The following HIPK2 variants were observed in gnomAD, a reference collection of about 807,000 sequenced individuals.
The protein encoded by HIPK2 is homeodomain-interacting protein kinase 2.
Under a neutral mutation model 113.7 loss-of-function variants are expected in HIPK2, and 27 were observed. The ratio of observed to expected loss-of-function variants is 0.24; its 90% CI spans 0.17 to 0.33. HIPK2 has a LOEUF of 0.33. Ranked by LOEUF, HIPK2 falls within the 10% of genes least tolerant of loss-of-function variation. The pLI is 1.00. For synonymous variants in HIPK2, 631 were observed against 642.2 expected (o/e 0.98, Z 0.26); for missense variants, 1,257 against 1,588.0 (o/e 0.79, Z 3.54).
At chr7:139,775,191 G>T (rs1796719626) in intron 1 of HIPK2, among the ~76,000 whole-genome samples, 1 of 152,200 alleles carries the variant, frequency 6.6e-6, no homozygotes, top group African/African-American at 2.4e-5. Context: ...TACAGGAAAA[G>T]CTCTGCTCGT....
chr7:139,737,806 G>A (rs985820802), intron 1 of HIPK2, among the ~76,000 whole-genome samples: 6 of 152,238 alleles, frequency 3.9e-5, no homozygotes, highest in Non-Finnish European at 8.8e-5. Context: ...CAGTGCGGTT[G>A]CTGGGAAGGC....
intron 2 of HIPK2, among the ~76,000 whole-genome samples, chr7:139,641,322 G>A (rs1022325556): frequency 4.9e-5 from 7 of 144,228 alleles, no homozygotes; most frequent in African/African-American, 7.9e-5. Context: ...CTGAGATTGC[G>A]CCACTACACT....
At position 139,714,262 on chromosome 7, in the gene HIPK2, G is replaced by C. The variant is rs1475048460; in HGVS notation, c.1103+1670C>G. 6.6e-6 allele frequency among the ~76,000 whole-genome samples: 1 copy of C among 152,238 alleles called. No homozygotes were observed. Among genetic ancestry groups the C allele is most frequent in the Non-Finnish European group, 1.5e-5 (1 of 68,050 alleles). The stretch of plus-strand genomic sequence containing the variant: ...TAACTCAGGAAATGCCTCCTAAAGG[G>C]AAGAGGGAAGAGACAGAAACAGCAT... On this transcript the variant is annotated intron_variant, in intron 2 of 14. Coordinates refer to ENST00000406875, the MANE Select transcript of HIPK2 (RefSeq NM_022740.5). This position sits in a 1 kb window ranked among gnomAD's most constrained non-coding sequence, Gnocchi z 4.2.
chr7:139,667,268 T>C (rs78828925), intron 2 of HIPK2, among the ~76,000 whole-genome samples: 32,342 of 152,152 alleles, frequency 0.21, 3,785 homozygotes, highest in East Asian at 0.41. Flanking sequence ...TTCCATCTTA[T>C]AAACTTTGTC....
At chr7:139,681,704 C>T (rs1454234570) in intron 2 of HIPK2, among the ~76,000 whole-genome samples, 1 of 152,182 alleles carries the variant, frequency 6.6e-6, no homozygotes, top group Non-Finnish European at 1.5e-5. Flanking sequence ...CATGAAAGGC[C>T]CTTGCACTCC....
intron 1 of HIPK2, among the ~76,000 whole-genome samples, chr7:139,752,192 G>C (rs568632614): frequency 6.6e-6 from 1 of 152,150 alleles, no homozygotes; most frequent in East Asian, 1.9e-4. Flanking sequence ...TATTTCAAAT[G>C]GTCTCCAACC....
intron 7 of HIPK2, among the ~76,000 whole-genome samples, chr7:139,615,114 C>T (rs543768037): frequency 6.6e-6 from 1 of 152,202 alleles, no homozygotes. Flanking sequence ...CAGGGGGAGG[C>T]TCTTGCAGGC....
At chr7:139,732,801 A>G (rs545913109) in intron 1 of HIPK2, among the ~76,000 whole-genome samples, 4 of 139,420 alleles carry the variant, frequency 2.9e-5, no homozygotes, top group African/African-American at 1.2e-4. Flanking sequence ...TATAATATAT[A>G]TAACATATTA....
At chr7:139,706,882 G>A (rs972522048) in intron 2 of HIPK2, among the ~76,000 whole-genome samples, 1 of 152,154 alleles carries the variant, frequency 6.6e-6, no homozygotes, top group Non-Finnish European at 1.5e-5. Flanking sequence ...TCTCTGATTC[G>A]GCCACACTGT....
rs190653468 is a variant in HIPK2 at position 139,712,321 on chromosome 7, C to T, written c.1103+3611G>A. ...CACCTCCTTTTCCAAGTCCCCAAGG[C>T]GAGGATAACATATCCTTGTCTCACA... On this transcript the variant is annotated intron_variant, in intron 2 of 14. Coordinates refer to ENST00000406875, the MANE Select transcript of HIPK2 (RefSeq NM_022740.5). 5.3e-5 allele frequency among the ~76,000 whole-genome samples: 8 copies of T among 152,296 alleles called. No homozygotes were observed. In the East Asian group the frequency reaches 1.2e-3, roughly 22 times the overall value.
chr7:139,704,557 A>G (rs1475390562), intron 2 of HIPK2, among the ~76,000 whole-genome samples: 1 of 151,688 alleles, frequency 6.6e-6, no homozygotes, highest in African/African-American at 2.4e-5. Context: ...AGCAACATAT[A>G]CATACCCCAT....
chr7:139,687,556 A>C (rs1348648213), intron 2 of HIPK2, among the ~76,000 whole-genome samples: 10 of 152,178 alleles, frequency 6.6e-5, no homozygotes, highest in Non-Finnish European at 1.5e-4. Flanking sequence ...GTTGCTTAAG[A>C]ATTTTGGTTT....
At position 139,562,504 on chromosome 7, in the gene HIPK2, C is replaced by G. The variant is rs1797975721; in HGVS notation, c.*10423G>C. ...ATTCTCTTTCTATCCTAATGGATAC[C>G]ATTTTTGGAAACGTGACAGAGTATC... is the stretch of plus-strand genomic sequence containing the variant. On this transcript the variant is annotated 3_prime_UTR_variant, in exon 15 of 15. Transcript: ENST00000406875. The G allele has an allele frequency of 6.6e-6, 1 of 152,216 alleles. No homozygotes were observed. Among genetic ancestry groups the G allele is most frequent in the Non-Finnish European group, 1.5e-5 (1 of 68,032 alleles). The allele number at this position is 152,216 out of a possible 1,614,324, so 9.4% of individuals were successfully genotyped here. A position where few individuals can be genotyped will look rare whatever the true frequency, so the allele number is the denominator to read the frequency against.
intron 2 of HIPK2, among the ~76,000 whole-genome samples, chr7:139,637,770 C>T (rs571304421): frequency 6.6e-6 from 1 of 152,262 alleles, no homozygotes; most frequent in Non-Finnish European, 1.5e-5. Flanking sequence ...AGACAAAGCT[C>T]TAAGGCAGTG....
At chr7:139,611,550 T>C (rs1799824576) in intron 9 of HIPK2, among the ~76,000 whole-genome samples, 1 of 152,180 alleles carries the variant, frequency 6.6e-6, no homozygotes, top group Non-Finnish European at 1.5e-5. Flanking sequence ...TTAATTTTTT[T>C]TTTTCTTTAC....
At chr7:139,712,136 T>C (rs558380592) in intron 2 of HIPK2, among the ~76,000 whole-genome samples, 2 of 152,224 alleles carry the variant, frequency 1.3e-5, no homozygotes, top group East Asian at 1.9e-4. Context: ...ACCTTCGAAT[T>C]GGAAGGGAAT....
intron 13 of HIPK2, among the ~76,000 whole-genome samples, chr7:139,580,306 G>A (rs1407070239): frequency 6.6e-6 from 1 of 152,180 alleles, no homozygotes; most frequent in African/African-American, 2.4e-5. Context: ...GATGAAATGG[G>A]CGTAATGCAG....
chr7:139,680,823 G>A (rs1041917632), intron 2 of HIPK2, among the ~76,000 whole-genome samples: 3 of 152,096 alleles, frequency 2.0e-5, no homozygotes, highest in Admixed American at 1.3e-4. Flanking sequence ...CAATCTGAGC[G>A]GGCTTCCTGT....
Position 139,673,885 on chromosome 7 carries a change from T to TAAAAA in HIPK2, c.1103+42042_1103+42046dup, listed in dbSNP as rs60905469. ...CACCATGGTGAAACCCTATCTGTAC[T>TAAAAA]AAAAAAAAAAAAAAAAAAAAAAAAA... On this transcript the variant is annotated intron_variant, in intron 2 of 14. Transcript: ENST00000406875. Among the ~76,000 whole-genome samples the TAAAAA allele has an allele frequency of 8.3e-4, 61 of 73,450 alleles. 2 individuals are homozygous for TAAAAA. The highest frequency in any genetic ancestry group is 7.5e-3 in the East Asian group (10 of 1,340). 48.2% of individuals were successfully genotyped at this position (73,450 alleles called of 152,430 possible). A position where few individuals can be genotyped will look rare whatever the true frequency, so the allele number is the denominator to read the frequency against.
Sources: gnomAD v4.1 joint callset for allele counts (sites outside exome capture counted in the v4.1 genomes callset) on GRCh38, gnomAD v4.1.1 for gene constraint, Gnocchi (gnomAD v3.1) non-coding constraint, MANE v1.5 for transcripts, NCBI Gene and HGNC (gene_info 2026-07-23, HGNC 2026-07-21) for gene names.